KIRREL3: variants seen among roughly 807,000 people sequenced by gnomAD.
KIRREL3 encodes the protein kin of IRRE-like protein 3.
KIRREL3 carries 36 observed loss-of-function variants against 89.7 expected under a neutral mutation model. The ratio of observed to expected loss-of-function variants is 0.40; its 90% CI spans 0.31 to 0.53. The LOEUF (loss-of-function observed/expected upper bound fraction) is 0.53. KIRREL3 is among the 20% of genes least tolerant of loss of function. The pLI is 0.49. For missense variants in KIRREL3, 864 were observed against 1,056.6 expected, an observed-to-expected ratio of 0.82 and a Z score of 2.53; for synonymous variants, 445 against 441.4, an observed-to-expected ratio of 1.01 and a Z score of -0.10.
Position 126,710,921 on chromosome 11 carries a change from C to A in KIRREL3, c.56-148009G>T, listed in dbSNP as rs4935985. 0.77 allele frequency among the ~76,000 whole-genome samples: 117,581 copies of A among 152,072 alleles called. 45,675 individuals are homozygous for A. Among genetic ancestry groups the A allele is most frequent in the East Asian group, 0.98 (5,092 of 5,172 alleles). ...TTGACAGTAGTCTCAACCTGATAGG[C>A]CTCTTCACAATGTGCAGGCTGTGAT... is the stretch of plus-strand genomic sequence containing the variant. On this transcript the variant is annotated intron_variant, in intron 1 of 16. Transcript: ENST00000525144. The surrounding 1 kb of genome is among the most constrained non-coding windows in gnomAD (Gnocchi z 4.2).
rs1472881883 is a variant in KIRREL3, at chr11:126,571,772, G to T, written c.56-8860C>A. Among the ~76,000 whole-genome samples, 1 of 152,084 alleles carries T rather than the reference G, an allele frequency of 6.6e-6. No individual in the cohort carries two copies. Among genetic ancestry groups the T allele is most frequent in the African/African-American group, 2.4e-5 (1 of 41,400 alleles). Reference sequence around the variant, plus strand: ...GTTTGTGAGAGGGGTGGGGCGGGGGGATGTTAAATAATGTTGGTTAAAGAA... The same window carrying T: ...GTTTGTGAGAGGGGTGGGGCGGGGGTATGTTAAATAATGTTGGTTAAAGAA... On this transcript the variant is annotated intron_variant, in intron 1 of 16. Transcript: ENST00000525144. The surrounding 1 kb of genome is among the most constrained non-coding windows in gnomAD (Gnocchi z 7.7).
rs1466570955 is a variant in KIRREL3, at chr11:126,744,886, A to C, written c.56-181974T>G. Among the ~76,000 whole-genome samples the C allele has an allele frequency of 6.6e-6, 1 of 152,172 alleles. No individual in the cohort carries two copies. ...CCACATAGTAAGTGCTAAAAAAAAA[A>C]AAAAAGGTGGGAAAAGTAGCTGAGA... On this transcript the variant is annotated intron_variant, in intron 1 of 16. Coordinates refer to ENST00000525144, the MANE Select transcript of KIRREL3 (RefSeq NM_032531.4). The surrounding 1 kb of genome is among the most constrained non-coding windows in gnomAD (Gnocchi z 4.7).
At chr11:126,846,449 T>A (rs1049787884) in intron 1 of KIRREL3, among the ~76,000 whole-genome samples, 1 of 152,230 alleles carries the variant, frequency 6.6e-6, no homozygotes, top group Non-Finnish European at 1.5e-5. Flanking sequence ...ATAAAAATTA[T>A]CATGCCTTTT....
intron 2 of KIRREL3, among the ~76,000 whole-genome samples, chr11:126,543,150 G>A (rs972679587): frequency 6.6e-6 from 1 of 152,158 alleles, no homozygotes; most frequent in Non-Finnish European, 1.5e-5. Context: ...GCCCTGCAAA[G>A]CCTCAGCTGG....
chr11:126,834,073 T>C (rs1426463857), intron 1 of KIRREL3, among the ~76,000 whole-genome samples: 1 of 152,240 alleles, frequency 6.6e-6, no homozygotes, highest in Non-Finnish European at 1.5e-5. Context: ...CTTTTTCTAC[T>C]TTATAATTAT....
Position 126,519,145 on chromosome 11 carries a change from A to T in KIRREL3, c.433+2170T>A, listed in dbSNP as rs764230381. On this transcript the variant is annotated intron_variant, in intron 4 of 16. Coordinates refer to ENST00000525144, the MANE Select transcript of KIRREL3 (RefSeq NM_032531.4). This position sits in a 1 kb window ranked among gnomAD's most constrained non-coding sequence, Gnocchi z 4.3. ...CCCATACAAACCCAGCTCTGTGCCCAGAGGGCGGTGTCAGGCCATGCCACC... is the reference window on the plus strand; with the variant it reads ...CCCATACAAACCCAGCTCTGTGCCCTGAGGGCGGTGTCAGGCCATGCCACC... Among the ~76,000 whole-genome samples, 3 of 152,216 alleles carry T rather than the reference A, an allele frequency of 2.0e-5. No individual in the cohort carries two copies. The highest frequency in any genetic ancestry group is 4.4e-5 in the Non-Finnish European group (3 of 68,030).
chr11:126,458,325 C>T (rs1221985263), intron 6 of KIRREL3, among the ~76,000 whole-genome samples: 1 of 152,240 alleles, frequency 6.6e-6, no homozygotes, highest in Non-Finnish European at 1.5e-5. Context: ...CCCATGGGGG[C>T]ACCACAAAGG....
rs1186321874 is a variant in KIRREL3, at chr11:126,553,227, T to C, written c.133+9608A>G. Among the ~76,000 whole-genome samples the C allele has an allele frequency of 6.6e-6, 1 of 152,192 alleles. No individual in the cohort carries two copies. Among genetic ancestry groups the C allele is most frequent in the African/African-American group, 2.4e-5 (1 of 41,426 alleles). On this transcript the variant is annotated intron_variant, in intron 2 of 16. Coordinates refer to ENST00000525144, the MANE Select transcript of KIRREL3 (RefSeq NM_032531.4). This position sits in a 1 kb window ranked among gnomAD's most constrained non-coding sequence, Gnocchi z 4.7. ...TGTGTCCCTTGGTCTGAAGAAATGA[T>C]GGTCAGCTGTCCAAATGCATACAAT...
rs1001089011 is a variant in KIRREL3, at chr11:126,601,461, G to A, written c.56-38549C>T. ...AATTTGTTTGCTCTCATACTCTAAA[G>A]ATGAACTTCCCGTGCTCAATCAAAC... On this transcript the variant is annotated intron_variant, in intron 1 of 16. Coordinates refer to ENST00000525144, the MANE Select transcript of KIRREL3 (RefSeq NM_032531.4). The surrounding 1 kb of genome is among the most constrained non-coding windows in gnomAD (Gnocchi z 5.8). Among the ~76,000 whole-genome samples, 99 of 152,298 alleles carry A rather than the reference G, an allele frequency of 6.5e-4. 1 individual carries two copies. Among genetic ancestry groups the A allele is most frequent in the African/African-American group, 2.2e-3 (92 of 41,542 alleles).
At position 126,620,196 on chromosome 11, in the gene KIRREL3, A is replaced by G. The variant is rs1174542763; in HGVS notation, c.56-57284T>C. On this transcript the variant is annotated intron_variant, in intron 1 of 16. Transcript: ENST00000525144. This position sits in a 1 kb window ranked among gnomAD's most constrained non-coding sequence, Gnocchi z 4.8. ...TTTCTTCCTTCTTAAAATTTTTCCA[A>G]TCAGCTATTATAGTTCCCTTTAGTT... Among the ~76,000 whole-genome samples, 1 of 152,032 alleles carries G rather than the reference A, an allele frequency of 6.6e-6. No homozygotes were observed. The highest frequency in any genetic ancestry group is 1.9e-4 in the East Asian group (1 of 5,186).
chr11:126,548,800 G>A (rs889480812), intron 2 of KIRREL3, among the ~76,000 whole-genome samples: 1 of 152,202 alleles, frequency 6.6e-6, no homozygotes, highest in African/African-American at 2.4e-5. Context: ...CAGCGCAGGG[G>A]TGACTGTCAA....
At chr11:126,958,358 A>T (rs1331627389) in intron 1 of KIRREL3, among the ~76,000 whole-genome samples, 1 of 152,220 alleles carries the variant, frequency 6.6e-6, no homozygotes, top group African/African-American at 2.4e-5. Flanking sequence ...TGTCTATAAG[A>T]GGCTCCTCCA....
At position 126,490,022 on chromosome 11, in the gene KIRREL3, G is replaced by A. The variant is rs888769087; in HGVS notation, c.434-16556C>T. 6.6e-6 allele frequency among the ~76,000 whole-genome samples: 1 copy of A among 152,154 alleles called. No homozygotes were observed. The highest frequency in any genetic ancestry group is 1.5e-5 in the Non-Finnish European group (1 of 68,032). ...GTTGCTTGGAAGCAGCCCATGAGCTGCTTCGAGGAGTGAACGGGGTGAGGT... is the reference window on the plus strand; with the variant it reads ...GTTGCTTGGAAGCAGCCCATGAGCTACTTCGAGGAGTGAACGGGGTGAGGT... On this transcript the variant is annotated intron_variant, in intron 4 of 16. Transcript: ENST00000525144. The surrounding 1 kb of genome is among the most constrained non-coding windows in gnomAD (Gnocchi z 4.2).
Position 126,594,364 on chromosome 11 carries a change from A to G in KIRREL3, c.56-31452T>C, listed in dbSNP as rs1942290332. On this transcript the variant is annotated intron_variant, in intron 1 of 16. Coordinates refer to ENST00000525144, the MANE Select transcript of KIRREL3 (RefSeq NM_032531.4). This position sits in a 1 kb window ranked among gnomAD's most constrained non-coding sequence, Gnocchi z 5.0. ...GGATGAATTCCATCTCCCTCACTGG[A>G]CCAGAAGCTCCTCGAGGAAACTCTG... Among the ~76,000 whole-genome samples the G allele has an allele frequency of 6.6e-6, 1 of 152,082 alleles. No individual in the cohort carries two copies. Among genetic ancestry groups the G allele is most frequent in the Admixed American group, 6.5e-5 (1 of 15,270 alleles).
intron 1 of KIRREL3, among the ~76,000 whole-genome samples, chr11:126,618,874 C>T (rs1468119970): frequency 6.6e-6 from 1 of 152,218 alleles, no homozygotes; most frequent in Non-Finnish European, 1.5e-5. Context: ...GTTAATGACT[C>T]CACGAGGTGT....
rs555590497 is a variant in KIRREL3 at position 126,990,458 on chromosome 11, G to A, written c.55+9997C>T. Among the ~76,000 whole-genome samples, 28 of 150,884 alleles carry A rather than the reference G, an allele frequency of 1.9e-4. No homozygotes were observed. Among genetic ancestry groups the A allele is most frequent in the Admixed American group, 5.9e-4 (9 of 15,242 alleles). ...TCCCTCCCGTCCCTTCCCAGCTCCC[G>A]GCAGCCACTAGGCTTTCCCCTTCCC... On this transcript the variant is annotated intron_variant, in intron 1 of 16. Coordinates refer to ENST00000525144, the MANE Select transcript of KIRREL3 (RefSeq NM_032531.4). This position sits in a 1 kb window ranked among gnomAD's most constrained non-coding sequence, Gnocchi z 6.3.
At chr11:126,928,899 T>A (rs890054879) in intron 1 of KIRREL3, among the ~76,000 whole-genome samples, 1 of 152,166 alleles carries the variant, frequency 6.6e-6, no homozygotes, top group East Asian at 1.9e-4. Context: ...AAGGCCAAAC[T>A]ATGGGCTTGG....
chr11:126,686,134 G>A lies in KIRREL3; in HGVS notation c.56-123222C>T, dbSNP rs570031037. On this transcript the variant is annotated intron_variant, in intron 1 of 16. Coordinates refer to ENST00000525144, the MANE Select transcript of KIRREL3 (RefSeq NM_032531.4). This position sits in a 1 kb window ranked among gnomAD's most constrained non-coding sequence, Gnocchi z 4.7. ...ATCAGCAGCTCCTTCCCTGTGGTCC[G>A]AGTTACTGGCAGGGTCTCTGCGTTC... Among the ~76,000 whole-genome samples, 51 of 152,238 alleles carry A rather than the reference G, an allele frequency of 3.4e-4. 1 individual carries two copies. In the South Asian group the frequency reaches 9.1e-3, roughly 27 times the overall value.
chr11:126,702,143 C>T (rs1187369195), intron 1 of KIRREL3, among the ~76,000 whole-genome samples: 2 of 152,162 alleles, frequency 1.3e-5, no homozygotes, highest in Non-Finnish European at 2.9e-5. Flanking sequence ...TGTCTCCTGT[C>T]CAAACCTTCA....
Sources: gnomAD v4.1 joint callset for allele counts (sites outside exome capture counted in the v4.1 genomes callset) on GRCh38, gnomAD v4.1.1 for gene constraint, Gnocchi (gnomAD v3.1) non-coding constraint, MANE v1.5 for transcripts, NCBI Gene and HGNC (gene_info 2026-07-23, HGNC 2026-07-21) for gene names.